Variants in ARHGAP10 observed in about 807,000 individuals in gnomAD.
The protein encoded by ARHGAP10 is rho GTPase-activating protein 10.
ARHGAP10 carries 87 observed loss-of-function variants against 108.6 expected under a neutral mutation model. The observed-to-expected ratio is 0.80, with a 90% CI of 0.67 to 0.96. ARHGAP10 has a LOEUF of 0.96. Among genes scored for constraint, ARHGAP10 ranks in the 40% least tolerant of loss-of-function variants. ARHGAP10 has a pLI of 0.00. For missense variants in ARHGAP10, 939 were observed against 954.5 expected (o/e 0.98, Z 0.21); for synonymous variants, 347 against 341.1 (o/e 1.02, Z -0.19).
intron 1 of ARHGAP10, among the ~76,000 whole-genome samples, chr4:147,818,090 C>T (rs1289376131): frequency 6.6e-6 from 1 of 151,672 alleles, no homozygotes; most frequent in East Asian, 1.9e-4. Flanking sequence ...TTATTACCAG[C>T]AGTGTAAAGA....
intron 10 of ARHGAP10, among the ~76,000 whole-genome samples, chr4:147,901,349 C>T (rs1449615000): frequency 2.0e-5 from 3 of 152,192 alleles, no homozygotes; most frequent in Non-Finnish European, 4.4e-5. Context: ...ATACTAGTGG[C>T]TGATCCCTTT....
intron 18 of ARHGAP10, among the ~76,000 whole-genome samples, chr4:147,981,999 T>C (rs1739826151): frequency 6.6e-6 from 1 of 152,206 alleles, no homozygotes; most frequent in African/African-American, 2.4e-5. Flanking sequence ...AGGACGGATC[T>C]TGGTTTTAAA....
chr4:148,062,302 C>T, intron 20 of ARHGAP10, among the ~76,000 whole-genome samples: 1 of 152,176 alleles, frequency 6.6e-6, no homozygotes, highest in East Asian at 1.9e-4. Context: ...GTGCAGAAGC[C>T]TCGGGAAACT....
chr4:147,743,815 A>G (rs1321089289), intron 1 of ARHGAP10, among the ~76,000 whole-genome samples: 1 of 152,242 alleles, frequency 6.6e-6, no homozygotes, highest in Non-Finnish European at 1.5e-5. Flanking sequence ...TAAAGTGGAT[A>G]ATAGTTACAT....
At chr4:147,999,721 C>T (rs757679468) in intron 18 of ARHGAP10, among the ~76,000 whole-genome samples, 2 of 152,142 alleles carry the variant, frequency 1.3e-5, no homozygotes, top group African/African-American at 4.8e-5. Flanking sequence ...ATCCGTGAGG[C>T]CAAGAACCCC....
intron 16 of ARHGAP10, among the ~76,000 whole-genome samples, chr4:147,959,239 T>G (rs1274560991): frequency 2.6e-5 from 4 of 152,144 alleles, no homozygotes; most frequent in East Asian, 1.9e-4. Context: ...GAGTATTTTT[T>G]TTTTTGTTTT....
At chr4:147,823,269 C>T (rs1328802884) in intron 3 of ARHGAP10, among the ~76,000 whole-genome samples, 1 of 152,144 alleles carries the variant, frequency 6.6e-6, no homozygotes, top group Non-Finnish European at 1.5e-5. Context: ...TGTAGGCTCT[C>T]ATGCAGAAGC....
chr4:147,787,061 G>A (rs1560758361), intron 1 of ARHGAP10, among the ~76,000 whole-genome samples: 2 of 152,096 alleles, frequency 1.3e-5, no homozygotes, highest in Non-Finnish European at 2.9e-5. Context: ...TGGAGTGCTC[G>A]GCCTGTGTGC....
chr4:147,764,158 G>A (rs1271606595), intron 1 of ARHGAP10, among the ~76,000 whole-genome samples: 5 of 152,298 alleles, frequency 3.3e-5, no homozygotes, highest in African/African-American at 1.2e-4. Context: ...TCTGAGTAAT[G>A]TATAAAGCTT....
intron 18 of ARHGAP10, among the ~76,000 whole-genome samples, chr4:148,022,016 A>T: frequency 6.6e-6 from 1 of 152,194 alleles, no homozygotes; most frequent in East Asian, 1.9e-4. Flanking sequence ...TGACTGTGCA[A>T]TTAAAACTCC....
At chr4:148,033,112 C>A (rs1728226108) in intron 19 of ARHGAP10, among the ~76,000 whole-genome samples, 1 of 152,148 alleles carries the variant, frequency 6.6e-6, no homozygotes, top group Non-Finnish European at 1.5e-5. Flanking sequence ...ACTGAAGAGT[C>A]AGTTTGGTAC....
intron 1 of ARHGAP10, among the ~76,000 whole-genome samples, chr4:147,759,579 CG>C (rs1354508849): frequency 2.2e-4 from 12 of 53,876 alleles, no homozygotes; most frequent in Admixed American, 1.7e-3. Context: ...AGTGATACAC[CG>C]CCCCCCCCCC....
rs1481891739 is a variant in ARHGAP10, at chr4:147,879,296, G to A, written c.897G>A (p.Lys299=). 1.9e-6 allele frequency: 3 copies of A among 1,613,960 alleles called. No individual in the cohort carries two copies. Among genetic ancestry groups the A allele is most frequent in the Admixed American group, 3.3e-5 (2 of 60,004 alleles). The stretch of plus-strand genomic sequence containing the variant: ...GCATGTATCGAAAAGCAGCAAAGAA[G>A]TTCAACATGATCCCATTTGAGCACA... The part of the protein sequence containing the change: ...HYCMYRKAAK[K]FNMIPFEHRS... Residue 299 remains lysine (K), a synonymous_variant, in exon 9 of 23, where the codon AAG becomes AAA. Coordinates refer to ENST00000336498, the MANE Select transcript of ARHGAP10 (RefSeq NM_024605.4).
chr4:147,758,797 G>T (rs1729476881), intron 1 of ARHGAP10, among the ~76,000 whole-genome samples: 1 of 151,884 alleles, frequency 6.6e-6, no homozygotes, highest in African/African-American at 2.4e-5. Flanking sequence ...TGGCCAGCAT[G>T]GTGAAACCCG....
At chr4:147,965,508 T>C (rs988070375) in intron 17 of ARHGAP10, among the ~76,000 whole-genome samples, 3 of 152,236 alleles carry the variant, frequency 2.0e-5, no homozygotes, top group African/African-American at 7.2e-5. Flanking sequence ...AGTTATTTTA[T>C]AGATTTCATT....
chr4:147,950,173 G>T (rs1312095306), intron 15 of ARHGAP10, among the ~76,000 whole-genome samples: 2 of 152,172 alleles, frequency 1.3e-5, no homozygotes, highest in Non-Finnish European at 2.9e-5. Flanking sequence ...CAGATGCCTT[G>T]GGAGATTTGA....
chr4:147,732,470 G>T lies in ARHGAP10; in HGVS notation c.154+15G>T, dbSNP rs1233147866. The T allele has an allele frequency of 6.2e-7, 1 of 1,608,680 alleles. No individual in the cohort carries two copies. The highest frequency in any genetic ancestry group is 2.3e-5 in the East Asian group (1 of 44,432). On this transcript the variant is annotated intron_variant, in intron 1 of 22. Transcript: ENST00000336498. Reference sequence around the variant, plus strand: ...TGCGACGAAAAGTAAGCGGGGACGCGGGCGCGGACGGGCTGCGGCGTGGCG... The same window carrying T: ...TGCGACGAAAAGTAAGCGGGGACGCTGGCGCGGACGGGCTGCGGCGTGGCG...
chr4:147,785,011 AT>A (rs1730823922), intron 1 of ARHGAP10, among the ~76,000 whole-genome samples: 1 of 136,354 alleles, frequency 7.3e-6, no homozygotes. Flanking sequence ...TATATGTTAT[AT>A]ATTATAAAAT....
At position 147,909,829 on chromosome 4, in the gene ARHGAP10, T is replaced by C. The variant is rs1203195966; in HGVS notation, c.1162+52T>C. 2.6e-6 allele frequency: 4 copies of C among 1,535,672 alleles called. No individual in the cohort carries two copies. The Admixed American group carries it at 6.7e-5, about 26-fold the overall frequency. On this transcript the variant is annotated intron_variant, in intron 12 of 22. Coordinates refer to ENST00000336498, the MANE Select transcript of ARHGAP10 (RefSeq NM_024605.4). ...GTATCCTCCTTTTCCATCTATTACT[T>C]TGTGTACATTATGCATGTCAAGCTG...
Sources: gnomAD v4.1 joint callset for allele counts (sites outside exome capture counted in the v4.1 genomes callset) on GRCh38, gnomAD v4.1.1 for gene constraint, MANE v1.5 for transcripts, NCBI Gene and HGNC (gene_info 2026-07-23, HGNC 2026-07-21) for gene names.